PLCL1: variants seen among roughly 807,000 people sequenced by gnomAD.
The protein encoded by PLCL1 is inactive phospholipase C-like protein 1.
PLCL1 carries 41 observed loss-of-function variants against 84.4 expected under a neutral mutation model. The observed-to-expected ratio is 0.49, with a 90% confidence interval of 0.38 to 0.63. PLCL1 has a LOEUF of 0.63. Ranked by LOEUF, PLCL1 falls within the 30% of genes least tolerant of loss-of-function variation. The pLI, the probability that PLCL1 is intolerant of heterozygous loss-of-function variation, is 0.00. For missense variants in PLCL1, 1,206 were observed against 1,367.8 expected (o/e 0.88, Z 1.87); for synonymous variants, 490 against 488.3 (o/e 1.00, Z -0.05).
intron 5 of PLCL1, among the ~76,000 whole-genome samples, chr2:198,113,196 C>T (rs994302046): frequency 6.6e-6 from 1 of 151,866 alleles, no homozygotes; most frequent in Non-Finnish European, 1.5e-5. Flanking sequence ...TCTCCCACCT[C>T]AAGAAGGTGA....
At chr2:197,945,501 C>A (rs1197901153) in intron 1 of PLCL1, among the ~76,000 whole-genome samples, 1 of 152,088 alleles carries the variant, frequency 6.6e-6, no homozygotes, top group Non-Finnish European at 1.5e-5. Context: ...CACAAACAAC[C>A]AATTGCTTTT....
At chr2:198,108,125 A>T (rs945000679) in intron 5 of PLCL1, among the ~76,000 whole-genome samples, 1 of 151,878 alleles carries the variant, frequency 6.6e-6, no homozygotes, top group Non-Finnish European at 1.5e-5. Context: ...AATTCTCCAG[A>T]CTTGCTATTG....
chr2:197,960,048 A>G (rs1217729304), intron 1 of PLCL1, among the ~76,000 whole-genome samples: 1 of 152,140 alleles, frequency 6.6e-6, no homozygotes, highest in Non-Finnish European at 1.5e-5. Context: ...GCTGGAAAAC[A>G]GAGCTATCTC....
chr2:198,107,030 G>A (rs752259760), intron 5 of PLCL1, among the ~76,000 whole-genome samples: 11 of 151,850 alleles, frequency 7.2e-5, no homozygotes, highest in Non-Finnish European at 1.6e-4. Context: ...AGACGTACCC[G>A]AGAGTGGGTA....
intron 1 of PLCL1, among the ~76,000 whole-genome samples, chr2:197,955,108 C>T (rs1689459468): frequency 6.6e-6 from 1 of 151,936 alleles, no homozygotes; most frequent in Non-Finnish European, 1.5e-5. Flanking sequence ...TACGCTTTAC[C>T]TTAGTTTAAG....
chr2:197,996,684 G>A (rs777540366), intron 1 of PLCL1, among the ~76,000 whole-genome samples: 6 of 152,042 alleles, frequency 3.9e-5, no homozygotes, highest in Non-Finnish European at 7.4e-5. Flanking sequence ...CTTGGTGAGC[G>A]TGCTTTTTTC....
chr2:198,018,357 G>A lies in PLCL1; in HGVS notation c.241-65401G>A, dbSNP rs1444542077. Among the ~76,000 whole-genome samples the A allele has an allele frequency of 5.9e-5, 9 of 152,132 alleles. No individual in the cohort carries two copies. In the East Asian group the frequency reaches 1.7e-3, roughly 29 times the overall value. On this transcript the variant is annotated intron_variant, in intron 1 of 5. Transcript: ENST00000428675. ...AGGAGTTTTATTTCATACCTCAGTG[G>A]CACCTGGAACACCAGCGAGACAGAA... is the stretch of plus-strand genomic sequence containing the variant.
chr2:198,022,890 A>G (rs573328085), intron 1 of PLCL1, among the ~76,000 whole-genome samples: 2 of 152,342 alleles, frequency 1.3e-5, no homozygotes, highest in Non-Finnish European at 2.9e-5. Context: ...CATAATTAGA[A>G]AAAACTACTT....
chr2:197,922,590 C>T lies in PLCL1; in HGVS notation c.240+117251C>T, dbSNP rs1299756899. 5.1e-4 allele frequency among the ~76,000 whole-genome samples: 70 copies of T among 138,554 alleles called. 2 individuals are homozygous for T. The highest frequency in any genetic ancestry group is 1.7e-3 in the African/African-American group (64 of 38,526). The allele number at this position is 138,554 out of a possible 152,430, so 90.9% of individuals were successfully genotyped here. ...CTCCTTACTTCCCAGTAGGGGCAGC[C>T]GGGCAGAGGCGCCCCTCACCTCCCG... is the stretch of plus-strand genomic sequence containing the variant. On this transcript the variant is annotated intron_variant, in intron 1 of 5. Transcript: ENST00000428675.
At chr2:197,812,147 G>C (rs1690599582) in intron 1 of PLCL1, among the ~76,000 whole-genome samples, 1 of 152,180 alleles carries the variant, frequency 6.6e-6, no homozygotes, top group African/African-American at 2.4e-5. Flanking sequence ...ACATGATTTT[G>C]TTCCTTCTTA....
At chr2:198,061,402 T>A (rs1050171366) in intron 1 of PLCL1, among the ~76,000 whole-genome samples, 1 of 152,132 alleles carries the variant, frequency 6.6e-6, no homozygotes, top group African/African-American at 2.4e-5. Flanking sequence ...AAAGGGATGT[T>A]AACCGTTCGA....
At chr2:198,069,120 T>C (rs1692404201) in intron 1 of PLCL1, among the ~76,000 whole-genome samples, 1 of 150,778 alleles carries the variant, frequency 6.6e-6, no homozygotes, top group South Asian at 2.1e-4. Flanking sequence ...CATAAGATTT[T>C]GTAAACTTCT....
At chr2:197,839,058 A>G (rs1691246117) in intron 1 of PLCL1, among the ~76,000 whole-genome samples, 1 of 152,230 alleles carries the variant, frequency 6.6e-6, no homozygotes, top group Non-Finnish European at 1.5e-5. Flanking sequence ...TGCCGTTGTC[A>G]ACTTTTACAA....
intron 1 of PLCL1, among the ~76,000 whole-genome samples, chr2:197,963,928 T>C (rs946767462): frequency 6.6e-6 from 1 of 152,142 alleles, no homozygotes; most frequent in African/African-American, 2.4e-5. Flanking sequence ...CTGGGTTCTC[T>C]ATTCTGTTCC....
rs1559121336 is a variant in PLCL1, at chr2:198,147,614, A to G, written c.*652A>G. 1 of 152,200 alleles carries G rather than the reference A, an allele frequency of 6.6e-6. No individual in the cohort carries two copies. Among genetic ancestry groups the G allele is most frequent in the African/African-American group, 2.4e-5 (1 of 41,464 alleles). The allele number at this position is 152,200 out of a possible 1,614,324, so 9.4% of individuals were successfully genotyped here. A position where few individuals can be genotyped will look rare whatever the true frequency, so the allele number is the denominator to read the frequency against. ...TTCTTCAGTCAGAAAACTTTAAAAA[A>G]TATTTATTAAATAAAATCAATTTTT... On this transcript the variant is annotated 3_prime_UTR_variant, in exon 6 of 6. Transcript: ENST00000428675.
At chr2:197,988,468 C>A (rs1291323102) in intron 1 of PLCL1, among the ~76,000 whole-genome samples, 1 of 152,152 alleles carries the variant, frequency 6.6e-6, no homozygotes, top group Non-Finnish European at 1.5e-5. Context: ...TGAGAACATA[C>A]AGTATTTGAT....
At chr2:198,112,117 G>A (rs1032180141) in intron 5 of PLCL1, among the ~76,000 whole-genome samples, 3 of 151,836 alleles carry the variant, frequency 2.0e-5, no homozygotes, top group African/African-American at 7.2e-5. Context: ...TTGACCAAGT[G>A]GTATAACTAG....
chr2:198,019,887 ACAC>A (rs1185189230), intron 1 of PLCL1, among the ~76,000 whole-genome samples: 6 of 152,186 alleles, frequency 3.9e-5, no homozygotes, highest in Admixed American at 3.9e-4. Context: ...AATACAGAAA[ACAC>A]CACAAAGATA....
At chr2:197,962,585 T>C (rs1689645643) in intron 1 of PLCL1, among the ~76,000 whole-genome samples, 2 of 152,080 alleles carry the variant, frequency 1.3e-5, no homozygotes, top group South Asian at 4.1e-4. Flanking sequence ...TTGCCCTTTC[T>C]TTGTGTTACA....
Sources: gnomAD v4.1 joint callset for allele counts (sites outside exome capture counted in the v4.1 genomes callset) on GRCh38, gnomAD v4.1.1 for gene constraint, MANE v1.5 for transcripts, NCBI Gene and HGNC (gene_info 2026-07-23, HGNC 2026-07-21) for gene names.